PRKAR1B: variants seen among roughly 807,000 people sequenced by gnomAD.
PRKAR1B encodes the protein protein kinase cAMP-dependent type I regulatory subunit beta.
In PRKAR1B, 22 loss-of-function variants were observed where a neutral mutation model predicts 46.5. That is an observed-to-expected ratio of 0.47 (90% CI 0.34 to 0.68). The LOEUF (loss-of-function observed/expected upper bound fraction) is 0.68. PRKAR1B is among the 30% of genes least tolerant of loss of function. PRKAR1B has a pLI of 0.01. For synonymous variants in PRKAR1B, 259 were observed against 217.7 expected (o/e 1.19, Z -1.67); for missense variants, 445 against 535.6 (o/e 0.83, Z 1.67).
intron 2 of PRKAR1B, among the ~76,000 whole-genome samples, chr7:705,628 A>G (rs1165046110): frequency 1.3e-5 from 2 of 152,242 alleles, no homozygotes; most frequent in African/African-American, 4.8e-5. Context: ...CAAAAACTGG[A>G]AAGGATCCAA....
chr7:695,953 T>C (rs984083982), intron 2 of PRKAR1B, among the ~76,000 whole-genome samples: 4 of 143,288 alleles, frequency 2.8e-5, no homozygotes, highest in Non-Finnish European at 6.1e-5. Context: ...CGTGAGCCAC[T>C]GCGCCCAACC....
chr7:551,610 C>T lies in PRKAR1B; in HGVS notation c.892-140G>A, dbSNP rs541921032. 708 of 774,144 alleles carry T rather than the reference C, an allele frequency of 9.1e-4. 6 individuals are homozygous for T. The African/African-American group carries it at 0.011, about 12-fold the overall frequency. 48.0% of individuals were successfully genotyped at this position (774,144 alleles called of 1,614,324 possible). ...CCTTCTCCCAGAGCCACTGCCGACA[C>T]CACGTCACCACCCAAACCCCCACCT... On this transcript the variant is annotated intron_variant, in intron 9 of 10. Coordinates refer to ENST00000537384, the MANE Select transcript of PRKAR1B (RefSeq NM_001164760.2).
At chr7:697,923 G>A (rs1378131762) in intron 2 of PRKAR1B, among the ~76,000 whole-genome samples, 1 of 123,806 alleles carries the variant, frequency 8.1e-6, no homozygotes, top group Non-Finnish European at 1.7e-5. Context: ...GGAGGGGAGG[G>A]GAGGGGAGGG....
rs574234075 is a variant in PRKAR1B at position 565,106 on chromosome 7, C to T, written c.892-13636G>A. The T allele has an allele frequency of 4.6e-5, 7 of 152,324 alleles. No individual in the cohort carries two copies. The South Asian group carries it at 1.2e-3, about 27-fold the overall frequency. The allele number at this position is 152,324 out of a possible 1,614,324, so 9.4% of individuals were successfully genotyped here. ...GCTTCACTTCATTCCTTCAGGGTTTCGCAGGAGACTGGAATAAGATCGGAA... is the reference window on the plus strand; with the variant it reads ...GCTTCACTTCATTCCTTCAGGGTTTTGCAGGAGACTGGAATAAGATCGGAA... On this transcript the variant is annotated intron_variant, in intron 9 of 10. Transcript: ENST00000537384.
rs569214924 is a variant in PRKAR1B at position 685,621 on chromosome 7, A to C, written c.178-4895T>G. Among the ~76,000 whole-genome samples, 11 of 151,730 alleles carry C rather than the reference A, an allele frequency of 7.2e-5. No individual in the cohort carries two copies. In the South Asian group the frequency reaches 1.0e-3, roughly 14 times the overall value. On this transcript the variant is annotated intron_variant, in intron 2 of 10. Transcript: ENST00000537384. ...ATAAGAATTTTCCAAAAGCTCCCAT[A>C]GAGAAAAGTCAGTTCACCTACAAAG... is the stretch of plus-strand genomic sequence containing the variant.
At chr7:711,605 C>A (rs1451425212) in intron 1 of PRKAR1B, 78 bp from the exon 2 acceptor site, 3 of 1,294,872 alleles carry the variant, frequency 2.3e-6, no homozygotes, top group Non-Finnish European at 3.2e-6. Context: ...GCGGCGTGAA[C>A]CAGGCTTCTC....
At chr7:711,232 C>T in intron 2 of PRKAR1B, 97 bp downstream of exon 2, 7 of 1,505,494 alleles carry the variant, frequency 4.6e-6, no homozygotes, top group Non-Finnish European at 6.3e-6. Context: ...GGCACCCAGC[C>T]TTCGAGGACC....
chr7:553,129 G>A (rs1047338791), intron 9 of PRKAR1B, among the ~76,000 whole-genome samples: 1 of 152,154 alleles, frequency 6.6e-6, no homozygotes, highest in African/African-American at 2.4e-5. Flanking sequence ...GTGGCCAGAC[G>A]GGGCTGCCGT....
rs1002156743 is a variant in PRKAR1B, at chr7:724,990, G to A, written c.-23+2220C>T. Among the ~76,000 whole-genome samples, 11 of 152,160 alleles carry A rather than the reference G, an allele frequency of 7.2e-5. No individual in the cohort carries two copies. In the East Asian group the frequency reaches 1.2e-3, roughly 16 times the overall value. Reference sequence around the variant, plus strand: ...AGCACTCTGGGAGGCTGAGGCGGGCGGATCACGAGGTCAGGACATCGAGAC... The same window carrying A: ...AGCACTCTGGGAGGCTGAGGCGGGCAGATCACGAGGTCAGGACATCGAGAC... On this transcript the variant is annotated intron_variant, in intron 1 of 10. Coordinates refer to ENST00000537384, the MANE Select transcript of PRKAR1B (RefSeq NM_001164760.2).
intron 4 of PRKAR1B, among the ~76,000 whole-genome samples, chr7:613,794 C>A (rs1455764280): frequency 2.6e-5 from 4 of 152,234 alleles, no homozygotes; most frequent in African/African-American, 9.6e-5. Flanking sequence ...CCGGGCCTCC[C>A]GAGCCAAGAC....
intron 4 of PRKAR1B, among the ~76,000 whole-genome samples, chr7:633,486 G>A (rs10267852): frequency 0.063 from 9,517 of 152,206 alleles, 333 homozygotes; most frequent in Middle Eastern, 0.1. Context: ...AATACAGGCT[G>A]GGCATGGTGG....
At position 554,575 on chromosome 7, in the gene PRKAR1B, G is replaced by A. The variant is rs551230365; in HGVS notation, c.892-3105C>T. On this transcript the variant is annotated intron_variant, in intron 9 of 10. Transcript: ENST00000537384. ...GCTGGTAAGGTCTAATAAAGGCCAC[G>A]GATCCCACAGAGCCAGAAGACAGGG... Among the ~76,000 whole-genome samples, 39 of 152,122 alleles carry A rather than the reference G, an allele frequency of 2.6e-4. No homozygotes were observed. The South Asian group carries it at 7.5e-3, about 29-fold the overall frequency.
chr7:596,225 G>A lies in PRKAR1B; in HGVS notation c.629C>T (p.Pro210Leu). 1 of 1,614,000 alleles carries A rather than the reference G, an allele frequency of 6.2e-7. No homozygotes were observed. Among genetic ancestry groups the A allele is most frequent in the East Asian group, 2.2e-5 (1 of 44,884 alleles). Reference protein sequence around the residue: ...FGELALIYGTPRAATVKAKTD... With the variant: ...FGELALIYGTLRAATVKAKTD... ...CTTGGCTTTCACGGTCGCAGCCCTG[G>A]GGGTGCCGTAGATGAGCGCCAGCTC... The change falls in exon 7 of 11, where the codon CCC becomes CTC. Residue 210 changes from proline (P) to leucine (L), a missense_variant. Pro to Leu is a moderately conservative substitution (Grantham distance 98, BLOSUM62 -3). Around this residue, in one of 5 missense-constraint regions of PRKAR1B, gnomAD observed 18 missense variants for 58.1 expected, o/e 0.31. Coordinates refer to ENST00000537384, the MANE Select transcript of PRKAR1B (RefSeq NM_001164760.2).
chr7:633,227 CGT>C (rs1037225380), intron 4 of PRKAR1B, among the ~76,000 whole-genome samples: 2 of 152,192 alleles, frequency 1.3e-5, no homozygotes, highest in African/African-American at 4.8e-5. Flanking sequence ...AAGTGTGTCT[CGT>C]GTGCAAACAT....
chr7:614,764 T>C (rs567531302), intron 4 of PRKAR1B, among the ~76,000 whole-genome samples: 2 of 151,876 alleles, frequency 1.3e-5, no homozygotes, highest in South Asian at 2.1e-4. Flanking sequence ...ATACAAAAAT[T>C]AGTGAGGTGT....
intron 4 of PRKAR1B, among the ~76,000 whole-genome samples, chr7:669,748 A>C (rs548929386): frequency 1.3e-5 from 2 of 151,414 alleles, no homozygotes; most frequent in Admixed American, 1.3e-4. Context: ...TGGGTGACAG[A>C]GTGAGACTCC....
intron 8 of PRKAR1B, 58 bp downstream of exon 8, chr7:584,450 T>C: frequency 6.8e-7 from 1 of 1,481,234 alleles, no homozygotes; most frequent in Non-Finnish European, 9.4e-7. Context: ...GAGGCCGGGG[T>C]GGCCAGCAGG....
chr7:565,923 G>A lies in PRKAR1B; in HGVS notation c.891+13333C>T, dbSNP rs146325244. 4.6e-5 allele frequency among the ~76,000 whole-genome samples: 7 copies of A among 152,266 alleles called. No individual in the cohort carries two copies. The East Asian group carries it at 1.4e-3, about 29-fold the overall frequency. ...TTTAGGCAAGGATGTGGGTACCCCC[G>A]GAACACTGCCAAGGGCTTTACCTCT... On this transcript the variant is annotated intron_variant, in intron 9 of 10. Transcript: ENST00000537384.
chr7:613,181 T>A (rs1782622294), intron 4 of PRKAR1B, among the ~76,000 whole-genome samples: 1 of 151,526 alleles, frequency 6.6e-6, no homozygotes. Flanking sequence ...TAATAGCAAC[T>A]GTGGGGTGGA....
Sources: gnomAD v4.1 joint callset for allele counts (sites outside exome capture counted in the v4.1 genomes callset) on GRCh38, gnomAD v4.1.1 for gene constraint, gnomAD v4.1.1 regional missense constraint, MANE v1.5 for transcripts, NCBI Gene and HGNC (gene_info 2026-07-23, HGNC 2026-07-21) for gene names.